The following STX2 variants were observed in gnomAD, a reference collection of about 807,000 sequenced individuals.
STX2 encodes the protein syntaxin 2.
A neutral mutation model predicts 40.6 loss-of-function variants in STX2; 27 were observed. The observed-to-expected ratio is 0.66, with a 90% CI of 0.49 to 0.92. STX2 has a LOEUF of 0.92. Ranked by LOEUF, STX2 falls within the 40% of genes least tolerant of loss-of-function variation. The probability of loss-of-function intolerance (pLI) is 0.00; values close to 1 mark genes in which losing one functional copy is unlikely to be tolerated. For synonymous variants in STX2, 123 were observed against 119.1 expected (o/e 1.03, Z -0.22); for missense variants, 328 against 366.1 (o/e 0.90, Z 0.85).
At chr12:130,806,531 C>T (rs778541088) in intron 6 of STX2, among the ~76,000 whole-genome samples, 11 of 152,180 alleles carry the variant, frequency 7.2e-5, no homozygotes, top group Admixed American at 2.0e-4. Context: ...GAAACAGACC[C>T]GTCTGTCCCC....
At position 130,791,898 on chromosome 12, in the gene STX2, T is replaced by C. The variant is rs1326271179; in HGVS notation, c.*125A>G. ...GGATAAATGGCTCTTGGGATATGGT[T>C]GCTAGGACAATGTTGTTGCTAGGAT... On this transcript the variant is annotated 3_prime_UTR_variant, in exon 11 of 11. Transcript: ENST00000392373. 6.2e-7 allele frequency: 1 copy of C among 1,611,210 alleles called. No homozygotes were observed. Among genetic ancestry groups the C allele is most frequent in the South Asian group, 1.1e-5 (1 of 90,740 alleles).
rs1952132078 is a variant in STX2 at position 130,821,927 on chromosome 12, G to T, written c.106-139C>A. 1.0e-5 allele frequency: 6 copies of T among 578,002 alleles called. No homozygotes were observed. In the South Asian group the frequency reaches 1.5e-4, roughly 15 times the overall value. The allele number at this position is 578,002 out of a possible 1,614,324, so 35.8% of individuals were successfully genotyped here. ...AAAAGCCTCTCCCATTCTCACACTG[G>T]TATCGTTAAATTTAAAAAATAAAGA... On this transcript the variant is annotated intron_variant, in intron 2 of 10. Transcript: ENST00000392373.
chr12:130,819,256 G>A (rs1952020188), intron 3 of STX2, among the ~76,000 whole-genome samples: 2 of 152,212 alleles, frequency 1.3e-5, no homozygotes, highest in Non-Finnish European at 2.9e-5. Flanking sequence ...CCTAAGCAGA[G>A]CGCCTGCCCG....
At chr12:130,807,762 G>A (rs965152652) in intron 5 of STX2, among the ~76,000 whole-genome samples, 1 of 152,158 alleles carries the variant, frequency 6.6e-6, no homozygotes, top group Non-Finnish European at 1.5e-5. Context: ...TCACAATAAA[G>A]AGATTTCTAT....
At chr12:130,822,988 T>C (rs1952173758) in intron 2 of STX2, among the ~76,000 whole-genome samples, 1 of 152,196 alleles carries the variant, frequency 6.6e-6, no homozygotes, top group Non-Finnish European at 1.5e-5. Context: ...TGCCAGCTCC[T>C]ACCTCCTTCC....
Position 130,807,053 on chromosome 12 carries a change from G to A in STX2, c.392C>T (p.Ala131Val), listed in dbSNP as rs139795504. The change falls in exon 6 of 11, where the codon GCG becomes GTG. Residue 131 changes from alanine to valine, a missense_variant. Physicochemically the swap from Ala to Val is moderately conservative, Grantham distance 64. Coordinates refer to ENST00000392373, the MANE Select transcript of STX2 (RefSeq NM_194356.4). Reference sequence around the variant, plus strand: ...CAGAGTCTGTGCCTCATTGTACTCCGCCATGGCTTCCACAAACTTCCGAGA... The same window carrying A: ...CAGAGTCTGTGCCTCATTGTACTCCACCATGGCTTCCACAAACTTCCGAGA... ...VLSRKFVEAM[A>V]EYNEAQTLFR... 9.3e-6 allele frequency: 15 copies of A among 1,614,042 alleles called. No homozygotes were observed. Among genetic ancestry groups the A allele is most frequent in the Admixed American group, 8.3e-5 (5 of 60,000 alleles).
At chr12:130,814,320 G>A (rs1432355532) in intron 3 of STX2, among the ~76,000 whole-genome samples, 1 of 152,142 alleles carries the variant, frequency 6.6e-6, no homozygotes, top group Non-Finnish European at 1.5e-5. Flanking sequence ...AACAACGGAC[G>A]AGACAGGGTT....
intron 4 of STX2, among the ~76,000 whole-genome samples, chr12:130,811,380 G>A (rs1008711977): frequency 7.0e-6 from 1 of 142,988 alleles, no homozygotes; most frequent in Non-Finnish European, 1.5e-5. Context: ...AAAAAATCAG[G>A]ATATTACTGC....
chr12:130,801,044 G>T, intron 8 of STX2, 109 bp downstream of exon 8: 1 of 1,285,404 alleles, frequency 7.8e-7, no homozygotes, highest in Non-Finnish European at 1.0e-6. Flanking sequence ...GAATTTGGTG[G>T]ATCCAAAATA....
rs561494594 is a variant in STX2, at chr12:130,821,256, A to G, written c.205+433T>C. Reference sequence around the variant, plus strand: ...ACAGCCACTGAGCGCAGCACAGTCCATACAAAAGCTCCTCAAGACTTTCAG... The same window carrying G: ...ACAGCCACTGAGCGCAGCACAGTCCGTACAAAAGCTCCTCAAGACTTTCAG... On this transcript the variant is annotated intron_variant, in intron 3 of 10. Transcript: ENST00000392373. Among the ~76,000 whole-genome samples the G allele has an allele frequency of 9.8e-5, 15 of 152,354 alleles. No individual in the cohort carries two copies. In the East Asian group the frequency reaches 2.7e-3, roughly 27 times the overall value.
At chr12:130,814,053 C>A (rs989619399) in intron 3 of STX2, among the ~76,000 whole-genome samples, 1 of 152,244 alleles carries the variant, frequency 6.6e-6, no homozygotes, top group Non-Finnish European at 1.5e-5. Context: ...ACCCACTGCA[C>A]ACAAGCGTGT....
Position 130,791,874 on chromosome 12 carries a change from G to C in STX2, c.*149C>G, listed in dbSNP as rs771965348. 11 of 1,599,538 alleles carry C rather than the reference G, an allele frequency of 6.9e-6. No homozygotes were observed. The highest frequency in any genetic ancestry group is 9.4e-6 in the Non-Finnish European group (11 of 1,168,520). On this transcript the variant is annotated 3_prime_UTR_variant, in exon 11 of 11. Transcript: ENST00000392373. ...TTGCAGATGTGGTCTGAGTCTCAAG[G>C]ATAAATGGCTCTTGGGATATGGTTG...
At chr12:130,817,231 T>C (rs951874938) in intron 3 of STX2, among the ~76,000 whole-genome samples, 16 of 151,890 alleles carry the variant, frequency 1.1e-4, no homozygotes, top group African/African-American at 3.9e-4. Context: ...AGAGATAAAA[T>C]GTAAGATCAT....
chr12:130,816,375 G>A (rs1461841494), intron 3 of STX2, among the ~76,000 whole-genome samples: 1 of 152,182 alleles, frequency 6.6e-6, no homozygotes, highest in Non-Finnish European at 1.5e-5. Flanking sequence ...AGGGGTGGGG[G>A]GCACTCATGA....
chr12:130,823,888 C>A (rs1952204980), intron 2 of STX2, among the ~76,000 whole-genome samples: 1 of 152,204 alleles, frequency 6.6e-6, no homozygotes, highest in African/African-American at 2.4e-5. Context: ...ATAGACAGCA[C>A]CCTGATCATC....
intron 10 of STX2, among the ~76,000 whole-genome samples, chr12:130,793,417 G>A (rs1256363195): frequency 1.3e-5 from 2 of 152,176 alleles, no homozygotes; most frequent in Non-Finnish European, 2.9e-5. Context: ...CTCAGCAAGT[G>A]AGTGTGCTGG....
chr12:130,838,796 C>G lies in STX2; in HGVS notation c.30+274G>C, dbSNP rs1404121008. Among the ~76,000 whole-genome samples, 3 of 152,056 alleles carry G rather than the reference C, an allele frequency of 2.0e-5. No individual in the cohort carries two copies. The East Asian group carries it at 5.8e-4, about 30-fold the overall frequency. On this transcript the variant is annotated intron_variant, in intron 1 of 10. Transcript: ENST00000392373. ...GGACCTTCCCCGCTCCCTCCTCCTG[C>G]CCCAACCCGCCCTGAGGACTCCGCC...
chr12:130,826,523 A>G (rs1324425804), intron 2 of STX2, among the ~76,000 whole-genome samples: 1 of 152,178 alleles, frequency 6.6e-6, no homozygotes, highest in East Asian at 1.9e-4. Flanking sequence ...CAGCTCCACC[A>G]TCCACACCCA....
At chr12:130,816,835 G>A (rs754405770) in intron 3 of STX2, among the ~76,000 whole-genome samples, 3 of 152,216 alleles carry the variant, frequency 2.0e-5, no homozygotes, top group Non-Finnish European at 2.9e-5. Flanking sequence ...CTGAGCTGCA[G>A]AGAAGCTGAG....
Sources: allele counts gnomAD v4.1 joint callset (sites outside exome capture counted in the v4.1 genomes callset), GRCh38; gene constraint gnomAD v4.1.1; transcripts MANE v1.5; gene names NCBI Gene and HGNC (gene_info 2026-07-23, HGNC 2026-07-21).